CPLANE1: variants seen among roughly 807,000 people sequenced by gnomAD.
CPLANE1 encodes the protein ciliogenesis and planar polarity effector 1.
Under a neutral mutation model 362.5 loss-of-function variants are expected in CPLANE1, and 263 were observed. The ratio of observed to expected loss-of-function variants is 0.73; its 90% CI spans 0.66 to 0.80. CPLANE1 has a LOEUF of 0.80. Ranked by LOEUF, CPLANE1 falls within the 30% of genes least tolerant of loss-of-function variation. The pLI, the probability that CPLANE1 is intolerant of heterozygous loss-of-function variation, is 0.00. For synonymous variants in CPLANE1, 1,212 were observed against 1,302.6 expected (o/e 0.93, Z 1.50); for missense variants, 3,461 against 3,793.4 (o/e 0.91, Z 2.30).
intron 29 of CPLANE1, among the ~76,000 whole-genome samples, chr5:37,178,040 T>C (rs760978337): frequency 2.6e-5 from 4 of 152,178 alleles, no homozygotes; most frequent in Non-Finnish European, 5.9e-5. Context: ...AATGAATCTT[T>C]TTTGAAAGAA....
At chr5:37,223,957 G>A (rs1795900471) in intron 14 of CPLANE1, among the ~76,000 whole-genome samples, 1 of 152,134 alleles carries the variant, frequency 6.6e-6, no homozygotes, top group Admixed American at 6.5e-5. Flanking sequence ...GACAGAAGGA[G>A]ACTTATCTAC....
chr5:37,209,985 G>C lies in CPLANE1; in HGVS notation c.2921-3560C>G. The C allele has an allele frequency of 2.2e-6, 2 of 927,692 alleles. No homozygotes were observed. Among genetic ancestry groups the C allele is most frequent in the Non-Finnish European group, 3.5e-6 (2 of 567,824 alleles). The allele number at this position is 927,692 out of a possible 1,614,324, so 57.5% of individuals were successfully genotyped here. On this transcript the variant is annotated intron_variant, in intron 16 of 52. Coordinates refer to ENST00000651892, the MANE Select transcript of CPLANE1 (RefSeq NM_001384732.1). The surrounding 1 kb of genome is among the most constrained non-coding windows in gnomAD (Gnocchi z 4.6). ...GCTAAATGAATATAAGAGAGAAATA[G>C]AAGAGCAACTTCGGGAAGAAATATG... is the stretch of plus-strand genomic sequence containing the variant.
Position 37,183,199 on chromosome 5 carries a change from AAAAAAGGTTTGATCCCTTGATTAACC to A in CPLANE1, c.4956_4981del (p.Val1653ThrfsTer6). The A allele has an allele frequency of 6.2e-7, 1 of 1,611,040 alleles. No individual in the cohort carries two copies. Among genetic ancestry groups the A allele is most frequent in the Non-Finnish European group, 8.5e-7 (1 of 1,178,862 alleles). ...ATTGACTTCATTCGAAGGATATTGT[AAAAAAGGTTTGATCCCTTGATTAACC>A]AGTACTGATGATGAAAGTTTCTGGT... On this transcript the variant is annotated frameshift_variant, in exon 26 of 53. Coordinates refer to ENST00000651892, the MANE Select transcript of CPLANE1 (RefSeq NM_001384732.1).
intron 50 of CPLANE1, among the ~76,000 whole-genome samples, chr5:37,115,401 C>T (rs1760635080): frequency 6.6e-6 from 1 of 152,084 alleles, no homozygotes; most frequent in African/African-American, 2.4e-5. Flanking sequence ...TAAATTTTAT[C>T]AACCGAATGA....
At chr5:37,211,627 G>T (rs1040081745) in intron 16 of CPLANE1, 12 of 838,436 alleles carry the variant, frequency 1.4e-5, no homozygotes, top group Admixed American at 1.0e-4. Flanking sequence ...TATCTGGAAG[G>T]TCTGGGCAGA....
chr5:37,101,285 A>G (rs184598394), downstream of CPLANE1, among the ~76,000 whole-genome samples: 73 of 152,330 alleles, frequency 4.8e-4, no homozygotes, highest in African/African-American at 1.5e-3. Flanking sequence ...TGTTCCTTCA[A>G]TACCTAGTTT....
Position 37,183,081 on chromosome 5 carries a change from T to A in CPLANE1, c.5100A>T (p.Arg1700Ser). 1 of 1,613,502 alleles carries A rather than the reference T, an allele frequency of 6.2e-7. No individual in the cohort carries two copies. Reference sequence around the variant, plus strand: ...GAGTCCAAAAAATGTGGTTTGATGATCTCTGGATTAGACATTTCTCTCTAG... The same window carrying A: ...GAGTCCAAAAAATGTGGTTTGATGAACTCTGGATTAGACATTTCTCTCTAG... ...DDTREKCLIQ[R>S]SSNHIFWTPK... Residue 1700 changes from arginine to serine, a missense_variant, in exon 26 of 53, where the codon AGA becomes AGT. Physicochemically the swap from Arg to Ser is moderately radical, Grantham distance 110 (BLOSUM62 -1). Around this residue, in one of 2 missense-constraint regions of CPLANE1, gnomAD observed 3,380 missense variants for 3,666.1 expected, o/e 0.92. Transcript: ENST00000651892.
intron 45 of CPLANE1, 61 bp from the exon 46 acceptor site, chr5:37,138,909 G>A: frequency 7.0e-7 from 1 of 1,428,838 alleles, no homozygotes; most frequent in Non-Finnish European, 9.5e-7. Flanking sequence ...ATTACATTAA[G>A]CAAAAATAAA....
Position 37,244,442 on chromosome 5 carries a change from T to A in CPLANE1, c.503A>T (p.Glu168Val). Residue 168 changes from glutamate to valine, a missense_variant, in exon 5 of 53, where the codon GAA becomes GTA. This residue lies in a region of CPLANE1 where 3,380 missense variants were observed against 3,666.1 expected (regional missense o/e 0.92). Transcript: ENST00000651892. ...TTCGGTGGAAGGCAAGAGAACTGCT[T>A]CTTCAGGTATGACCTGGGACCACCG... ...AGRWSQVIPE[E>V]AVLLPSTEDK... 2.6e-6 allele frequency: 4 copies of A among 1,551,590 alleles called. No homozygotes were observed. Among genetic ancestry groups the A allele is most frequent in the Non-Finnish European group, 3.5e-6 (4 of 1,146,942 alleles).
intron 16 of CPLANE1, chr5:37,211,405 A>G: frequency 6.6e-7 from 1 of 1,517,064 alleles, no homozygotes; most frequent in Non-Finnish European, 8.8e-7. Context: ...GCCTTCAAAA[A>G]CATTACTTCC....
Position 37,148,178 on chromosome 5 carries a change from A to C in CPLANE1, c.8461+3T>G. The C allele has an allele frequency of 1.9e-6, 3 of 1,610,894 alleles. No individual in the cohort carries two copies. The highest frequency in any genetic ancestry group is 1.3e-5 in the African/African-American group (1 of 74,952). On this transcript the variant is annotated splice_donor_region_variant and intron_variant, in intron 43 of 52. Coordinates refer to ENST00000651892, the MANE Select transcript of CPLANE1 (RefSeq NM_001384732.1). ...CAGCCAGCCCCTATCAGCCCCTACA[A>C]ACCTTCTTCAGAAATGCTAATGGTT...
intron 44 of CPLANE1, chr5:37,141,072 C>T (rs1769575941): frequency 1.0e-6 from 1 of 985,322 alleles, no homozygotes; most frequent in Non-Finnish European, 1.2e-6. Flanking sequence ...CACTGAGTAC[C>T]ATCAGTTACT....
downstream of CPLANE1, among the ~76,000 whole-genome samples, chr5:37,104,161 T>C (rs982671897): frequency 6.6e-6 from 1 of 152,256 alleles, no homozygotes; most frequent in African/African-American, 2.4e-5. Context: ...ATTCTGTTAT[T>C]GATACTTGTG....
chr5:37,227,455 A>C (rs958310362), intron 10 of CPLANE1, 63 bp from the exon 11 acceptor site: 68 of 1,484,238 alleles, frequency 4.6e-5, no homozygotes, highest in Non-Finnish European at 5.8e-5. Flanking sequence ...TATTATAAGC[A>C]ATTAAAAATT....
chr5:37,081,458 G>C, the CPLANE1 span, among the ~76,000 whole-genome samples: 2 of 151,912 alleles, frequency 1.3e-5, no homozygotes, highest in Non-Finnish European at 2.9e-5. Context: ...GAGTAGCTGG[G>C]ACTACAGGCA....
chr5:37,176,610 T>G (rs1283749806), intron 30 of CPLANE1, among the ~76,000 whole-genome samples: 1 of 152,176 alleles, frequency 6.6e-6, no homozygotes, highest in Non-Finnish European at 1.5e-5. Flanking sequence ...TCTCTCTTCT[T>G]GGGTAATTTT....
In CPLANE1 at chr5:37,168,750, G is replaced by A. The variant is rs1778976686; in HGVS notation, c.7233+41C>T. Reference sequence around the variant, plus strand: ...GTACTTATGGTATGAAAAAAATAGTGCAGGACACTGCTTTTGCATTACCAT... The same window carrying A: ...GTACTTATGGTATGAAAAAAATAGTACAGGACACTGCTTTTGCATTACCAT... On this transcript the variant is annotated intron_variant, in intron 34 of 52. Transcript: ENST00000651892. 2.0e-6 allele frequency: 3 copies of A among 1,530,984 alleles called. No individual in the cohort carries two copies. In the East Asian group the frequency reaches 6.8e-5, roughly 34 times the overall value. 94.8% of individuals were successfully genotyped at this position (1,530,984 alleles called of 1,614,324 possible).
chr5:37,205,177 A>T, intron 18 of CPLANE1, 138 bp downstream of exon 18: 2 of 588,926 alleles, frequency 3.4e-6, no homozygotes, highest in Non-Finnish European at 5.1e-6. Flanking sequence ...AAAATAAAAT[A>T]AAAATAAATA....
At chr5:37,200,386 T>C (rs1213435082) in intron 19 of CPLANE1, among the ~76,000 whole-genome samples, 1 of 152,202 alleles carries the variant, frequency 6.6e-6, no homozygotes, top group Non-Finnish European at 1.5e-5. Context: ...ACTTTAAATG[T>C]CATTTCAAAT....
Sources: allele counts gnomAD v4.1 joint callset (sites outside exome capture counted in the v4.1 genomes callset), GRCh38; gene constraint gnomAD v4.1.1; regional missense constraint gnomAD v4.1.1; non-coding constraint Gnocchi (gnomAD v3.1); transcripts MANE v1.5; gene names NCBI Gene and HGNC (gene_info 2026-07-23, HGNC 2026-07-21).